PURB: variants seen among roughly 807,000 people sequenced by gnomAD.
PURB encodes the protein transcriptional regulator protein Pur-beta.
A neutral mutation model predicts 21.1 loss-of-function variants in PURB; 11 were observed. That is an observed-to-expected ratio of 0.52 (90% CI 0.33 to 0.86). The LOEUF is 0.86. Among genes scored for constraint, PURB ranks in the 40% least tolerant of loss-of-function variants. The pLI is 0.02. For missense variants in PURB, 357 were observed against 456.5 expected, an observed-to-expected ratio of 0.78 and a Z score of 1.99; for synonymous variants, 246 against 210.8, an observed-to-expected ratio of 1.17 and a Z score of -1.45.
In PURB at chr7:44,885,138, T is replaced by C. The variant is rs1424661274; in HGVS notation, c.211A>G (p.Ser71Gly). The C allele has an allele frequency of 1.9e-6, 3 of 1,570,130 alleles. No individual in the cohort carries two copies. Among genetic ancestry groups the C allele is most frequent in the Non-Finnish European group, 2.6e-6 (3 of 1,164,286 alleles). ...IAEVGAGGSKSRLTLSMAVAA... is the reference protein window; with the variant it reads ...IAEVGAGGSKGRLTLSMAVAA... ...ACCGCCATGGACAGCGTGAGGCGGC[T>C]CTTGGAACCGCCCGCGCCCACCTCG... Residue 71 changes from serine to glycine, a missense_variant, in exon 1 of 1, where the codon AGC becomes GGC. Ser to Gly is a moderately conservative substitution (Grantham distance 56). Coordinates refer to ENST00000395699, the MANE Select transcript of PURB (RefSeq NM_033224.5).
rs748688339 is a variant in PURB at position 44,879,292 on chromosome 7, G to A, written c.*5118C>T. On this transcript the variant is annotated 3_prime_UTR_variant, in exon 1 of 1. Transcript: ENST00000395699. ...CCCGCCCACCTCAGCCTCCCAGAGTGCTGGGATTACAGGCGTGAGCCACCA... is the reference window on the plus strand; with the variant it reads ...CCCGCCCACCTCAGCCTCCCAGAGTACTGGGATTACAGGCGTGAGCCACCA... 2 of 152,150 alleles carry A rather than the reference G, an allele frequency of 1.3e-5. No homozygotes were observed. The highest frequency in any genetic ancestry group is 2.9e-5 in the Non-Finnish European group (2 of 68,084). 9.4% of individuals were successfully genotyped at this position (152,150 alleles called of 1,614,324 possible). A position where few individuals can be genotyped will look rare whatever the true frequency, so the allele number is the denominator to read the frequency against.
chr7:44,883,896 CTCTCT>C lies in PURB; in HGVS notation c.*509_*513del, dbSNP rs1337043043. Reference sequence around the variant, plus strand: ...CTCAGAACTGGGTAATTGTAAAGGCCTCTCTTCTCAAGGATTCCATGAAGACCTAG... The same window carrying C: ...CTCAGAACTGGGTAATTGTAAAGGCCTCTCAAGGATTCCATGAAGACCTAG... On this transcript the variant is annotated 3_prime_UTR_variant, in exon 1 of 1. Coordinates refer to ENST00000395699, the MANE Select transcript of PURB (RefSeq NM_033224.5). The C allele has an allele frequency of 6.4e-6, 1 of 155,274 alleles. No individual in the cohort carries two copies. Among genetic ancestry groups the C allele is most frequent in the Middle Eastern group, 3.2e-3 (1 of 316 alleles). 9.6% of individuals were successfully genotyped at this position (155,274 alleles called of 1,614,324 possible).
In PURB at chr7:44,884,129, G is replaced by A; in HGVS notation, c.*281C>T. On this transcript the variant is annotated 3_prime_UTR_variant, in exon 1 of 1. Coordinates refer to ENST00000395699, the MANE Select transcript of PURB (RefSeq NM_033224.5). ...TATCCTGATGGGTTTACGAACCTCAGTTGAGAAACAACAGAAGCTGAGACA... is the reference window on the plus strand; with the variant it reads ...TATCCTGATGGGTTTACGAACCTCAATTGAGAAACAACAGAAGCTGAGACA... 1 of 626,886 alleles carries A rather than the reference G, an allele frequency of 1.6e-6. No homozygotes were observed. The highest frequency in any genetic ancestry group is 2.6e-6 in the Non-Finnish European group (1 of 387,146). 38.8% of individuals were successfully genotyped at this position (626,886 alleles called of 1,614,324 possible).
rs935313754 is a variant in PURB, at chr7:44,878,618, G to A, written c.*5792C>T. The A allele has an allele frequency of 6.6e-6, 1 of 152,592 alleles. No individual in the cohort carries two copies. Among genetic ancestry groups the A allele is most frequent in the African/African-American group, 2.4e-5 (1 of 41,436 alleles). 9.5% of individuals were successfully genotyped at this position (152,592 alleles called of 1,614,324 possible). A position where few individuals can be genotyped will look rare whatever the true frequency, so the allele number is the denominator to read the frequency against. On this transcript the variant is annotated 3_prime_UTR_variant, in exon 1 of 1. Coordinates refer to ENST00000395699, the MANE Select transcript of PURB (RefSeq NM_033224.5). ...TTCAAATTAAATGACTGTGAATAGAGGTGATTACACTGATGGCATATTCCC... is the reference window on the plus strand; with the variant it reads ...TTCAAATTAAATGACTGTGAATAGAAGTGATTACACTGATGGCATATTCCC...
rs1793900478 is a variant in PURB at position 44,883,021 on chromosome 7, A to AATGCTTCCAGG, written c.*1378_*1388dup. On this transcript the variant is annotated 3_prime_UTR_variant, in exon 1 of 1. Coordinates refer to ENST00000395699, the MANE Select transcript of PURB (RefSeq NM_033224.5). ...TGTTGAAATTTCAAGATGGTATAAA[A>AATGCTTCCAGG]ATGCTTCCAGGATATAGTCAGCATA... 1.3e-5 allele frequency: 2 copies of AATGCTTCCAGG among 152,492 alleles called. No individual in the cohort carries two copies. Among genetic ancestry groups the AATGCTTCCAGG allele is most frequent in the East Asian group, 3.8e-4 (2 of 5,202 alleles). The allele number at this position is 152,492 out of a possible 1,614,324, so 9.4% of individuals were successfully genotyped here. A position where few individuals can be genotyped will look rare whatever the true frequency, so the allele number is the denominator to read the frequency against.
In PURB at chr7:44,884,723, C is replaced by A. The variant is rs958172627; in HGVS notation, c.626G>T (p.Gly209Val). The A allele has an allele frequency of 6.2e-7, 1 of 1,612,760 alleles. No homozygotes were observed. Among genetic ancestry groups the A allele is most frequent in the Non-Finnish European group, 8.5e-7 (1 of 1,179,738 alleles). Reference sequence around the variant, plus strand: ...TCCATACAGGCCGCCCCCTGGGCCCCCGGCGCCGCCTCCCGGGCCGCCTGC... The same window carrying A: ...TCCATACAGGCCGCCCCCTGGGCCCACGGCGCCGCCTCCCGGGCCGCCTGC... ...ELAGGPGGGA[G>V]GPGGGLYGEL... Residue 209 changes from glycine to valine, a missense_variant, in exon 1 of 1, where the codon GGG (glycine) becomes GTG (valine). By Grantham distance (109) the Gly-to-Val change is moderately radical (BLOSUM62 -3). Coordinates refer to ENST00000395699, the MANE Select transcript of PURB (RefSeq NM_033224.5).
rs747267293 is a variant in PURB, at chr7:44,878,031, C to T, written c.*6379G>A. On this transcript the variant is annotated 3_prime_UTR_variant, in exon 1 of 1. Transcript: ENST00000395699. ...TTTACAAGAGAATAAACAAACCACTCACCATCCTATTTCTAAATATAAAGA... is the reference window on the plus strand; with the variant it reads ...TTTACAAGAGAATAAACAAACCACTTACCATCCTATTTCTAAATATAAAGA... The T allele has an allele frequency of 3.9e-5, 6 of 152,192 alleles. No homozygotes were observed. Among genetic ancestry groups the T allele is most frequent in the Non-Finnish European group, 8.8e-5 (6 of 68,034 alleles). The allele number at this position is 152,192 out of a possible 1,614,324, so 9.4% of individuals were successfully genotyped here. A position where few individuals can be genotyped will look rare whatever the true frequency, so the allele number is the denominator to read the frequency against.
chr7:44,881,271 A>G lies in PURB; in HGVS notation c.*3139T>C, dbSNP rs1400321844. 6.6e-6 allele frequency: 1 copy of G among 152,250 alleles called. No homozygotes were observed. The highest frequency in any genetic ancestry group is 1.9e-4 in the East Asian group (1 of 5,204). The allele number at this position is 152,250 out of a possible 1,614,324, so 9.4% of individuals were successfully genotyped here. On this transcript the variant is annotated 3_prime_UTR_variant, in exon 1 of 1. Transcript: ENST00000395699. ...AAAATCATTCATAGCAACAACTGAA[A>G]AACAAAAAAATTGGTTGTTTCCCAT...
rs1206707744 is a variant in PURB at position 44,878,461 on chromosome 7, A to G, written c.*5949T>C. The G allele has an allele frequency of 6.6e-6, 1 of 152,324 alleles. No homozygotes were observed. Among genetic ancestry groups the G allele is most frequent in the Non-Finnish European group, 1.5e-5 (1 of 68,040 alleles). 9.4% of individuals were successfully genotyped at this position (152,324 alleles called of 1,614,324 possible). A position where few individuals can be genotyped will look rare whatever the true frequency, so the allele number is the denominator to read the frequency against. ...GGAGAAAAATGAGTTTTAGCTTCCA[A>G]TAAAGCTCTGCTCTTATTAGAAATC... On this transcript the variant is annotated 3_prime_UTR_variant, in exon 1 of 1. Transcript: ENST00000395699.
In PURB at chr7:44,885,018, C is replaced by A; in HGVS notation, c.331G>T (p.Glu111Ter). ...SPEQLAAGAE[E>*]GGGPRRALKS... is the part of the protein sequence containing the mutation. ...AGCGCGCGCCGCGGCCCGCCGCCCT[C>A]CTCGGCGCCAGCCGCCAGCTGCTCG... Residue 111 changes from glutamate (E) to a stop codon, truncating the protein, a stop_gained, in exon 1 of 1, where the codon GAG becomes TAG. Coordinates refer to ENST00000395699, the MANE Select transcript of PURB (RefSeq NM_033224.5). LOFTEE classifies it high-confidence loss of function. The A allele has an allele frequency of 6.5e-7, 1 of 1,545,220 alleles. No homozygotes were observed. The highest frequency in any genetic ancestry group is 1.4e-5 in the African/African-American group (1 of 71,272).
chr7:44,884,821 C>A lies in PURB; in HGVS notation c.528G>T (p.Ala176=). ...LQSGQTIALP[A]QGLIEFRDAL... ...CGTCGCGGAACTCGATGAGGCCCTGCGCAGGCAGCGCGATGGTCTGGCCGC... is the reference window on the plus strand; with the variant it reads ...CGTCGCGGAACTCGATGAGGCCCTGAGCAGGCAGCGCGATGGTCTGGCCGC... Residue 176 remains alanine (A), a synonymous_variant, in exon 1 of 1, where the codon GCG becomes GCT. Coordinates refer to ENST00000395699, the MANE Select transcript of PURB (RefSeq NM_033224.5). The A allele has an allele frequency of 6.3e-7, 1 of 1,583,028 alleles. No individual in the cohort carries two copies. Among genetic ancestry groups the A allele is most frequent in the Non-Finnish European group, 8.6e-7 (1 of 1,165,524 alleles).
In PURB at chr7:44,884,880, A is replaced by AGCC. The variant is rs1183222319; in HGVS notation, c.466_468dup (p.Gly156dup). ...CCGCCCGGCCCGGGGCCCGCGCCGA[A>AGCC]GCCGCCACCGCCGCGGTTGACCGTT... On this transcript the variant is annotated inframe_insertion, in exon 1 of 1. Transcript: ENST00000395699. The AGCC allele has an allele frequency of 1.9e-6, 3 of 1,559,028 alleles. No homozygotes were observed. The highest frequency in any genetic ancestry group is 3.9e-5 in the Admixed American group (2 of 51,046).
At position 44,883,621 on chromosome 7, in the gene PURB, A is replaced by T. The variant is rs888067584; in HGVS notation, c.*789T>A. 1 of 152,544 alleles carries T rather than the reference A, an allele frequency of 6.6e-6. No individual in the cohort carries two copies. Among genetic ancestry groups the T allele is most frequent in the Non-Finnish European group, 1.5e-5 (1 of 68,016 alleles). The allele number at this position is 152,544 out of a possible 1,614,324, so 9.4% of individuals were successfully genotyped here. ...TGTAAAACTGCTTTTATCTTTGAAA[A>T]TTTTTTGTCAACTTTGAAACTATTT... On this transcript the variant is annotated 3_prime_UTR_variant, in exon 1 of 1. Coordinates refer to ENST00000395699, the MANE Select transcript of PURB (RefSeq NM_033224.5).
In PURB at chr7:44,882,059, T is replaced by C. The variant is rs1001225751; in HGVS notation, c.*2351A>G. 3.3e-5 allele frequency: 5 copies of C among 152,716 alleles called. No homozygotes were observed. The highest frequency in any genetic ancestry group is 1.2e-4 in the African/African-American group (5 of 41,446). 9.5% of individuals were successfully genotyped at this position (152,716 alleles called of 1,614,324 possible). A position where few individuals can be genotyped will look rare whatever the true frequency, so the allele number is the denominator to read the frequency against. ...ACAAGAATTGTACATGGTTTGAAAA[T>C]GAAAAAGTTACAGCAATCAACTAAT... On this transcript the variant is annotated 3_prime_UTR_variant, in exon 1 of 1. Transcript: ENST00000395699.
In PURB at chr7:44,881,443, A is replaced by G. The variant is rs1007901296; in HGVS notation, c.*2967T>C. ...GAAGATCAGTGAAATGCTACAATTAATCCACAGCCTTCTGCAATCTTCCTG... is the reference window on the plus strand; with the variant it reads ...GAAGATCAGTGAAATGCTACAATTAGTCCACAGCCTTCTGCAATCTTCCTG... On this transcript the variant is annotated 3_prime_UTR_variant, in exon 1 of 1. Coordinates refer to ENST00000395699, the MANE Select transcript of PURB (RefSeq NM_033224.5). The G allele has an allele frequency of 6.6e-6, 1 of 152,572 alleles. No homozygotes were observed. The highest frequency in any genetic ancestry group is 6.5e-5 in the Admixed American group (1 of 15,274). The allele number at this position is 152,572 out of a possible 1,614,324, so 9.5% of individuals were successfully genotyped here. A position where few individuals can be genotyped will look rare whatever the true frequency, so the allele number is the denominator to read the frequency against.
rs1028432076 is a variant in PURB, at chr7:44,881,091, G to A, written c.*3319C>T. 1 of 152,428 alleles carries A rather than the reference G, an allele frequency of 6.6e-6. No homozygotes were observed. The highest frequency in any genetic ancestry group is 6.5e-5 in the Admixed American group (1 of 15,270). The allele number at this position is 152,428 out of a possible 1,614,324, so 9.4% of individuals were successfully genotyped here. A position where few individuals can be genotyped will look rare whatever the true frequency, so the allele number is the denominator to read the frequency against. The stretch of plus-strand genomic sequence containing the variant: ...CACAGATTTTTATTCTTTTGATTCT[G>A]TTCCTAAAATTTGGCTTTTCACCTT... On this transcript the variant is annotated 3_prime_UTR_variant, in exon 1 of 1. Transcript: ENST00000395699.
Position 44,879,438 on chromosome 7 carries a change from C to A in PURB, c.*4972G>T, listed in dbSNP as rs969863468. 2 of 147,664 alleles carry A rather than the reference C, an allele frequency of 1.4e-5. No homozygotes were observed. The highest frequency in any genetic ancestry group is 5.0e-5 in the African/African-American group (2 of 39,738). The allele number at this position is 147,664 out of a possible 1,614,324, so 9.1% of individuals were successfully genotyped here. A position where few individuals can be genotyped will look rare whatever the true frequency, so the allele number is the denominator to read the frequency against. On this transcript the variant is annotated 3_prime_UTR_variant, in exon 1 of 1. Coordinates refer to ENST00000395699, the MANE Select transcript of PURB (RefSeq NM_033224.5). ...TTCTTTTTTCTTTTCTACAAACTATCTCCCGCCCTCCCCAGCCCCACCCAC... is the reference window on the plus strand; with the variant it reads ...TTCTTTTTTCTTTTCTACAAACTATATCCCGCCCTCCCCAGCCCCACCCAC...
At position 44,885,456 on chromosome 7, in the gene PURB, C is replaced by CCCGCCGCTCATCGCCGGCCGCCG. The variant is rs1793945423; in HGVS notation, c.-131_-109dup. 7.6e-6 allele frequency: 2 copies of CCCGCCGCTCATCGCCGGCCGCCG among 263,792 alleles called. No individual in the cohort carries two copies. Among genetic ancestry groups the CCCGCCGCTCATCGCCGGCCGCCG allele is most frequent in the African/African-American group, 4.6e-5 (2 of 43,016 alleles). The allele number at this position is 263,792 out of a possible 1,614,324, so 16.3% of individuals were successfully genotyped here. On this transcript the variant is annotated 5_prime_UTR_variant, in exon 1 of 1. It adds an upstream start codon to the 5' untranslated region. Transcript: ENST00000395699. ...CGCCCGCCCGGCTCGCTCACGCGCT[C>CCCGCCGCTCATCGCCGGCCGCCG]CCGCCGCTCATCGCCGGCCGCCGCC...
chr7:44,878,762 A>G lies in PURB; in HGVS notation c.*5648T>C, dbSNP rs777238247. ...CTTGATGCGATTTTATTATTTTTTC[A>G]TTTTCCAAATCTAATTTTCAGTACT... On this transcript the variant is annotated 3_prime_UTR_variant, in exon 1 of 1. Transcript: ENST00000395699. The G allele has an allele frequency of 6.6e-6, 1 of 152,528 alleles. No homozygotes were observed. The highest frequency in any genetic ancestry group is 1.5e-5 in the Non-Finnish European group (1 of 68,008). 9.4% of individuals were successfully genotyped at this position (152,528 alleles called of 1,614,324 possible).
Sources: allele counts gnomAD v4.1 joint callset, GRCh38; gene constraint gnomAD v4.1.1; transcripts MANE v1.5; gene names NCBI Gene and HGNC (gene_info 2026-07-23, HGNC 2026-07-21).